The following SHROOM3 variants were observed in gnomAD, a reference collection of about 807,000 sequenced individuals.
SHROOM3 encodes protein Shroom3.
Under a neutral mutation model 138.6 loss-of-function variants are expected in SHROOM3, and 47 were observed. The ratio of observed to expected loss-of-function variants is 0.34; its 90% CI spans 0.27 to 0.43. The LOEUF is 0.43. Ranked by LOEUF, SHROOM3 falls within the 20% of genes least tolerant of loss-of-function variation. The pLI is 1.00. For missense variants in SHROOM3, 2,491 were observed against 2,596.5 expected, an observed-to-expected ratio of 0.96 and a Z score of 0.88; for synonymous variants, 1,062 against 1,063.3, an observed-to-expected ratio of 1.00 and a Z score of 0.02.
intron 2 of SHROOM3, among the ~76,000 whole-genome samples, chr4:76,602,166 T>G (rs1469185978): frequency 1.3e-5 from 2 of 152,232 alleles, no homozygotes; most frequent in East Asian, 3.8e-4. Flanking sequence ...CTTTCTCCTC[T>G]GTTTTCCTTG....
intron 2 of SHROOM3, among the ~76,000 whole-genome samples, chr4:76,666,771 A>T (rs1718705066): frequency 6.6e-6 from 1 of 152,164 alleles, no homozygotes; most frequent in Non-Finnish European, 1.5e-5. Context: ...CTATCTGCAT[A>T]CCCATGTTCA....
intron 1 of SHROOM3, among the ~76,000 whole-genome samples, chr4:76,441,111 A>T (rs1730666392): frequency 6.7e-5 from 2 of 30,072 alleles, no homozygotes; most frequent in South Asian, 9.3e-4. Flanking sequence ...TTTTTTTGAG[A>T]CAGAGTCTCA....
rs1493361 is a variant in SHROOM3, at chr4:76,756,232, A to G, written c.4710-217A>G. 0.25 allele frequency among the ~76,000 whole-genome samples: 37,870 copies of G among 152,014 alleles called. 4,940 individuals carry two copies. Among genetic ancestry groups the G allele is most frequent in the East Asian group, 0.33 (1,709 of 5,168 alleles). On this transcript the variant is annotated intron_variant, in intron 7 of 10. Transcript: ENST00000296043. The stretch of plus-strand genomic sequence containing the variant: ...TGTGACTAGGTAGGTAAATGTTTTT[A>G]GTTTCGGGGTTCAGTATCAGGAGAC...
In SHROOM3 at chr4:76,681,238, C is replaced by T. The variant is rs573065817; in HGVS notation, c.324-28918C>T. On this transcript the variant is annotated intron_variant, in intron 2 of 10. Coordinates refer to ENST00000296043, the MANE Select transcript of SHROOM3 (RefSeq NM_020859.4). ...TCTTAGTTAGCAAGTTCATGCACAT[C>T]CTTCAGAACCTCTCCCAAGCATGTC... 4.6e-5 allele frequency among the ~76,000 whole-genome samples: 7 copies of T among 152,258 alleles called. 1 individual carries two copies. In the South Asian group the frequency reaches 1.5e-3, roughly 32 times the overall value.
intron 2 of SHROOM3, among the ~76,000 whole-genome samples, chr4:76,673,379 G>A (rs1191936646): frequency 6.6e-6 from 1 of 151,808 alleles, no homozygotes; most frequent in Non-Finnish European, 1.5e-5. Context: ...TAATCTTATT[G>A]GCCAATGGTT....
intron 2 of SHROOM3, among the ~76,000 whole-genome samples, chr4:76,592,115 AAG>A (rs375736652): frequency 1.0e-3 from 154 of 152,308 alleles, no homozygotes; most frequent in African/African-American, 3.5e-3. Context: ...GAAAACTTGA[AAG>A]AGGGGAAAAA....
At chr4:76,735,868 AATATATATATATATATATATAT>A (rs758812304) in intron 4 of SHROOM3, among the ~76,000 whole-genome samples, 51 of 18,810 alleles carry the variant, frequency 2.7e-3, no homozygotes, top group African/African-American at 8.5e-3. Context: ...AAAAAAAAAA[AATATATATATATATATATATAT>A]ATATATATAT....
In SHROOM3 at chr4:76,437,707, A is replaced by T. The variant is rs572445022; in HGVS notation, c.168+1487A>T. Reference sequence around the variant, plus strand: ...CTACAATAAGGACCTACTCTTCCTGAAGTCAAGGAATCATTGCCCACTGTT... The same window carrying T: ...CTACAATAAGGACCTACTCTTCCTGTAGTCAAGGAATCATTGCCCACTGTT... On this transcript the variant is annotated intron_variant, in intron 1 of 10. Coordinates refer to ENST00000296043, the MANE Select transcript of SHROOM3 (RefSeq NM_020859.4). Among the ~76,000 whole-genome samples, 3 of 152,328 alleles carry T rather than the reference A, an allele frequency of 2.0e-5. No homozygotes were observed. In the South Asian group the frequency reaches 6.2e-4, roughly 32 times the overall value.
chr4:76,639,355 G>C (rs1735594991), intron 2 of SHROOM3, among the ~76,000 whole-genome samples: 1 of 152,154 alleles, frequency 6.6e-6, no homozygotes, highest in South Asian at 2.1e-4. Context: ...CCACATCCCA[G>C]CTCCCTTCCC....
intron 2 of SHROOM3, among the ~76,000 whole-genome samples, chr4:76,633,231 C>T (rs962953181): frequency 4.7e-5 from 7 of 149,116 alleles, no homozygotes; most frequent in African/African-American, 1.7e-4. Flanking sequence ...GTCCCAGCTA[C>T]TCAGGAGGCT....
intron 7 of SHROOM3, among the ~76,000 whole-genome samples, chr4:76,756,026 T>G (rs1031047511): frequency 6.6e-6 from 1 of 152,178 alleles, no homozygotes; most frequent in Admixed American, 6.5e-5. Context: ...ACAGCAACAT[T>G]CACCAGAACT....
intron 2 of SHROOM3, among the ~76,000 whole-genome samples, chr4:76,597,558 C>T (rs1475316361): frequency 6.6e-6 from 1 of 151,978 alleles, no homozygotes; most frequent in Non-Finnish European, 1.5e-5. Context: ...CTGGATGGCT[C>T]TTGTTAAGTA....
At chr4:76,764,949 A>T (rs545850925) in intron 9 of SHROOM3, among the ~76,000 whole-genome samples, 64 of 152,200 alleles carry the variant, frequency 4.2e-4, no homozygotes, top group Middle Eastern at 3.4e-3. Context: ...TCCCTCCAGG[A>T]CTTTAGTGAC....
chr4:76,708,115 A>G (rs1296235432), intron 2 of SHROOM3, among the ~76,000 whole-genome samples: 1 of 152,222 alleles, frequency 6.6e-6, no homozygotes, highest in African/African-American at 2.4e-5. Flanking sequence ...GGTGACACGT[A>G]GTAGGACAAC....
intron 8 of SHROOM3, chr4:76,758,063 A>G (rs771200274): frequency 2.0e-5 from 3 of 152,238 alleles, no homozygotes; most frequent in Non-Finnish European, 2.9e-5. Flanking sequence ...TATTTGTCAC[A>G]TTGTCAGAGG....
intron 5 of SHROOM3, among the ~76,000 whole-genome samples, chr4:76,745,720 C>T (rs971528035): frequency 9.8e-5 from 15 of 152,306 alleles, no homozygotes; most frequent in Non-Finnish European, 1.9e-4. Context: ...GTGGTGCACA[C>T]CTGTAATCCC....
At chr4:76,505,651 G>A (rs1732194255) in intron 1 of SHROOM3, among the ~76,000 whole-genome samples, 1 of 148,542 alleles carries the variant, frequency 6.7e-6, no homozygotes, top group Non-Finnish European at 1.5e-5. Context: ...CTTGTATTAG[G>A]TATTGTGACT....
At chr4:76,461,380 A>T (rs1731139468) in intron 1 of SHROOM3, among the ~76,000 whole-genome samples, 1 of 152,254 alleles carries the variant, frequency 6.6e-6, no homozygotes, top group Non-Finnish European at 1.5e-5. Context: ...TTTCATGGAA[A>T]ATCATAGATA....
intron 2 of SHROOM3, among the ~76,000 whole-genome samples, chr4:76,653,342 G>T (rs1309537976): frequency 6.6e-6 from 1 of 151,798 alleles, no homozygotes; most frequent in African/African-American, 2.4e-5. Context: ...ATGCTTAGTA[G>T]CATCCCTGGC....
Sources: allele counts gnomAD v4.1 joint callset (sites outside exome capture counted in the v4.1 genomes callset), GRCh38; gene constraint gnomAD v4.1.1; transcripts MANE v1.5; gene names NCBI Gene and HGNC (gene_info 2026-07-23, HGNC 2026-07-21).